ZNRF3: variants seen among roughly 807,000 people sequenced by gnomAD.
The protein encoded by ZNRF3 is E3 ubiquitin-protein ligase ZNRF3.
Under a neutral mutation model 72.5 loss-of-function variants are expected in ZNRF3, and 23 were observed. The observed-to-expected ratio is 0.32, with a 90% confidence interval of 0.23 to 0.45. The LOEUF is 0.45. Among genes scored for constraint, ZNRF3 ranks in the 20% least tolerant of loss-of-function variants. ZNRF3 has a pLI of 1.00. For missense variants in ZNRF3, 1,169 were observed against 1,272.1 expected (o/e 0.92, Z 1.23); for synonymous variants, 610 against 545.3 (o/e 1.12, Z -1.65).
chr22:29,041,181 T>C (rs890257789), intron 2 of ZNRF3, among the ~76,000 whole-genome samples: 1 of 152,188 alleles, frequency 6.6e-6, no homozygotes, highest in African/African-American at 2.4e-5. Context: ...AGGGTCTTGC[T>C]CTGTCACTCA....
intron 6 of ZNRF3, among the ~76,000 whole-genome samples, chr22:29,047,161 G>A (rs2037090363): frequency 6.6e-6 from 1 of 152,158 alleles, no homozygotes; most frequent in Non-Finnish European, 1.5e-5. Flanking sequence ...GGAGGCTGAG[G>A]TGGAAGGATC....
intron 1 of ZNRF3, among the ~76,000 whole-genome samples, chr22:28,915,278 T>C (rs983646463): frequency 2.0e-5 from 3 of 152,218 alleles, no homozygotes; most frequent in Non-Finnish European, 2.9e-5. Flanking sequence ...TTCCTATGTT[T>C]TCACGTGGCC....
intron 2 of ZNRF3, among the ~76,000 whole-genome samples, chr22:29,009,264 A>C (rs1235097023): frequency 6.6e-6 from 1 of 152,164 alleles, no homozygotes; most frequent in Non-Finnish European, 1.5e-5. Flanking sequence ...AAATTCCAGC[A>C]GTGGGGCTGG....
At chr22:29,020,608 G>A (rs551157558) in intron 2 of ZNRF3, among the ~76,000 whole-genome samples, 1 of 152,006 alleles carries the variant, frequency 6.6e-6, no homozygotes, top group South Asian at 2.1e-4. Flanking sequence ...GTGGTTGGTT[G>A]AATGCACGGA....
intron 1 of ZNRF3, among the ~76,000 whole-genome samples, chr22:28,930,964 G>A (rs1301758617): frequency 6.6e-6 from 1 of 152,172 alleles, no homozygotes; most frequent in East Asian, 1.9e-4. Context: ...GATAAACCCA[G>A]TGAGCAGGCA....
intron 1 of ZNRF3, among the ~76,000 whole-genome samples, chr22:28,922,489 C>T (rs1302790747): frequency 6.6e-6 from 1 of 152,198 alleles, no homozygotes; most frequent in Non-Finnish European, 1.5e-5. Flanking sequence ...CGCACTGTTA[C>T]AATTGTGTTC....
At position 29,050,757 on chromosome 22, in the gene ZNRF3, G is replaced by A. The variant is rs200918833; in HGVS notation, c.2576G>A (p.Arg859Gln). The part of the protein sequence containing the change: ...THSLGSWGGT[R>Q]GPDTPRPHRG... ...AGCCTCGGCTCCTGGGGTGGGACGCGAGGCCCGGATACCCCACGGCCCCAC... is the reference window on the plus strand; with the variant it reads ...AGCCTCGGCTCCTGGGGTGGGACGCAAGGCCCGGATACCCCACGGCCCCAC... The change falls in exon 8 of 9, where the codon CGA becomes CAA. Residue 859 changes from arginine to glutamine, a missense_variant. By Grantham distance (43) the Arg-to-Gln change is conservative. Transcript: ENST00000544604. The A allele has an allele frequency of 2.0e-4, 315 of 1,607,954 alleles. No individual in the cohort carries two copies. Among genetic ancestry groups the A allele is most frequent in the Admixed American group, 3.5e-4 (21 of 59,362 alleles).
chr22:28,966,481 A>G (rs1384995384), intron 1 of ZNRF3, among the ~76,000 whole-genome samples: 1 of 152,250 alleles, frequency 6.6e-6, no homozygotes, highest in Non-Finnish European at 1.5e-5. Flanking sequence ...CATTATTATC[A>G]TAGGAGATGA....
intron 1 of ZNRF3, among the ~76,000 whole-genome samples, chr22:28,928,809 T>C (rs2123776023): frequency 6.6e-6 from 1 of 152,262 alleles, no homozygotes; most frequent in South Asian, 2.1e-4. Context: ...AAATGTCTTT[T>C]ATAGATGGCT....
chr22:29,012,113 C>G (rs117513217), intron 2 of ZNRF3, among the ~76,000 whole-genome samples: 2 of 152,194 alleles, frequency 1.3e-5, no homozygotes, highest in Non-Finnish European at 2.9e-5. Flanking sequence ...GCCCCTGCCC[C>G]GTGAGACACT....
chr22:29,047,104 T>G (rs1179188805), intron 6 of ZNRF3, among the ~76,000 whole-genome samples: 1 of 152,198 alleles, frequency 6.6e-6, no homozygotes, highest in Non-Finnish European at 1.5e-5. Flanking sequence ...CTTGTAGCTC[T>G]TTGAAAATTT....
intron 2 of ZNRF3, among the ~76,000 whole-genome samples, chr22:29,037,232 C>T (rs901804845): frequency 3.3e-5 from 5 of 152,152 alleles, no homozygotes; most frequent in Non-Finnish European, 7.3e-5. Context: ...GGTCCAAGCC[C>T]CAAACCAAGT....
At chr22:28,891,883 A>T (rs962680766) in intron 1 of ZNRF3, among the ~76,000 whole-genome samples, 1 of 152,162 alleles carries the variant, frequency 6.6e-6, no homozygotes, top group African/African-American at 2.4e-5. Context: ...ATAAAGAGCC[A>T]ATCTACCAGG....
At position 29,050,421 on chromosome 22, in the gene ZNRF3, G is replaced by A. The variant is rs781403383; in HGVS notation, c.2240G>A (p.Gly747Asp). The A allele has an allele frequency of 1.2e-6, 2 of 1,608,250 alleles. No homozygotes were observed. The highest frequency in any genetic ancestry group is 1.7e-6 in the Non-Finnish European group (2 of 1,177,158). The change falls in exon 8 of 9, where the codon GGT becomes GAT. Residue 747 changes from glycine (G) to aspartate (D), a missense_variant. Gly to Asp is a moderately conservative substitution (Grantham distance 94). This residue lies in a region of ZNRF3 where 783 missense variants were observed against 731.4 expected (regional missense o/e 1.07). Transcript: ENST00000544604. ...CTCTACGAGGGCTCTGGCCCGGCGG[G>A]TGGGGAGCCCCAGTCAGGAAGCTCC... ...PHLYEGSGPA[G>D]GEPQSGSSQG...
In ZNRF3 at chr22:29,056,865, T is replaced by C. The variant is rs572904269; in HGVS notation, c.*3243T>C. The C allele has an allele frequency of 2.0e-5, 3 of 152,350 alleles. No homozygotes were observed. The highest frequency in any genetic ancestry group is 2.0e-4 in the Admixed American group (3 of 15,302). The allele number at this position is 152,350 out of a possible 1,614,324, so 9.4% of individuals were successfully genotyped here. On this transcript the variant is annotated 3_prime_UTR_variant, in exon 9 of 9. Coordinates refer to ENST00000544604, the MANE Select transcript of ZNRF3 (RefSeq NM_001206998.2). ...AGCCCTTTTATAAAATAAAGCCCCT[T>C]CTGTCCCACTGCTCACATACTTATG...
chr22:28,932,468 C>T (rs763144170), intron 1 of ZNRF3, among the ~76,000 whole-genome samples: 4 of 152,100 alleles, frequency 2.6e-5, no homozygotes, highest in Non-Finnish European at 5.9e-5. Flanking sequence ...TGACAGGCTC[C>T]CTGTTGGCAT....
chr22:28,918,518 A>ATGTGTG (rs1340480961), intron 1 of ZNRF3, among the ~76,000 whole-genome samples: 1 of 140,144 alleles, frequency 7.1e-6, no homozygotes, highest in Non-Finnish European at 1.5e-5. Flanking sequence ...ACGTGTGTGT[A>ATGTGTG]TGTGTATCTG....
At chr22:29,005,381 A>G (rs1416298240) in intron 2 of ZNRF3, among the ~76,000 whole-genome samples, 1 of 152,260 alleles carries the variant, frequency 6.6e-6, no homozygotes, top group Non-Finnish European at 1.5e-5. Flanking sequence ...TATAGAGCTT[A>G]TAGATTGGTG....
rs556896655 is a variant in ZNRF3 at position 28,981,662 on chromosome 22, A to T, written c.301-5414A>T. ...TTGTGGGCCATGCGGGGATATTCTC[A>T]GCAAAACTGTATAAGACTGTGCATA... On this transcript the variant is annotated intron_variant, in intron 1 of 8. Coordinates refer to ENST00000544604, the MANE Select transcript of ZNRF3 (RefSeq NM_001206998.2). Among the ~76,000 whole-genome samples the T allele has an allele frequency of 4.6e-5, 7 of 152,356 alleles. No individual in the cohort carries two copies. The South Asian group carries it at 1.5e-3, about 32-fold the overall frequency.
Sources: allele counts gnomAD v4.1 joint callset (sites outside exome capture counted in the v4.1 genomes callset), GRCh38; gene constraint gnomAD v4.1.1; regional missense constraint gnomAD v4.1.1; transcripts MANE v1.5; gene names NCBI Gene and HGNC (gene_info 2026-07-23, HGNC 2026-07-21).